LRRTM4: variants seen among roughly 807,000 people sequenced by gnomAD.
LRRTM4 encodes the protein leucine-rich repeat transmembrane neuronal protein 4.
A neutral mutation model predicts 47.6 loss-of-function variants in LRRTM4; 25 were observed. The observed-to-expected ratio is 0.53, with a 90% CI of 0.38 to 0.73. The LOEUF is 0.73. Among genes scored for constraint, LRRTM4 ranks in the 30% least tolerant of loss-of-function variants. LRRTM4 has a pLI of 0.00. For synonymous variants in LRRTM4, 311 were observed against 269.5 expected (o/e 1.15, Z -1.51); for missense variants, 638 against 713.4 (o/e 0.89, Z 1.20).
intron 3 of LRRTM4, among the ~76,000 whole-genome samples, chr2:76,846,172 A>T (rs1318632629): frequency 1.3e-5 from 2 of 152,014 alleles, no homozygotes; most frequent in Admixed American, 1.3e-4. Context: ...ATACCAAGGG[A>T]TGACTGTAAT....
intron 3 of LRRTM4, among the ~76,000 whole-genome samples, chr2:76,867,326 A>C (rs757123960): frequency 3.3e-5 from 5 of 152,204 alleles, no homozygotes; most frequent in Admixed American, 6.5e-5. Flanking sequence ...GCTTTACAAC[A>C]AACTCTGCTA....
intron 3 of LRRTM4, among the ~76,000 whole-genome samples, chr2:77,123,219 G>C (rs1358819995): frequency 6.6e-6 from 1 of 151,340 alleles, no homozygotes; most frequent in African/African-American, 2.4e-5. Flanking sequence ...CTCACAGAGA[G>C]AGAGAGAGAG....
rs528964259 is a variant in LRRTM4 at position 77,412,141 on chromosome 2, A to G, written c.1551+106177T>C. Among the ~76,000 whole-genome samples, 3 of 152,250 alleles carry G rather than the reference A, an allele frequency of 2.0e-5. No homozygotes were observed. The East Asian group carries it at 5.8e-4, about 29-fold the overall frequency. ...TGCATTATTCGTAAGGGCCTCCAAGACCCATCAACATGAATATCTCCTCAG... is the reference window on the plus strand; with the variant it reads ...TGCATTATTCGTAAGGGCCTCCAAGGCCCATCAACATGAATATCTCCTCAG... On this transcript the variant is annotated intron_variant, in intron 3 of 3. Coordinates refer to ENST00000409884, the MANE Select transcript of LRRTM4 (RefSeq NM_001134745.3).
At position 76,986,947 on chromosome 2, in the gene LRRTM4, C is replaced by A. The variant is rs1025899967; in HGVS notation, c.1552-238031G>T. On this transcript the variant is annotated intron_variant, in intron 3 of 3. Coordinates refer to ENST00000409884, the MANE Select transcript of LRRTM4 (RefSeq NM_001134745.3). ...GAAAACATTTCAAATAACTAGGTAG[C>A]ATAAACTATTCTGACACCATATTTA... 3.9e-5 allele frequency among the ~76,000 whole-genome samples: 6 copies of A among 151,982 alleles called. No individual in the cohort carries two copies. The South Asian group carries it at 1.0e-3, about 26-fold the overall frequency.
chr2:77,125,665 T>C (rs572943455), intron 3 of LRRTM4, among the ~76,000 whole-genome samples: 31 of 152,332 alleles, frequency 2.0e-4, no homozygotes, highest in African/African-American at 7.5e-4. Flanking sequence ...GCATGCATTC[T>C]CTTATGTCCT....
At chr2:77,036,163 G>A (rs1178726033) in intron 3 of LRRTM4, among the ~76,000 whole-genome samples, 1 of 151,726 alleles carries the variant, frequency 6.6e-6, no homozygotes, top group Non-Finnish European at 1.5e-5. Context: ...CCAGGGGAAA[G>A]CATTATGGTG....
At chr2:76,848,547 C>G (rs1671901130) in intron 3 of LRRTM4, among the ~76,000 whole-genome samples, 1 of 151,902 alleles carries the variant, frequency 6.6e-6, no homozygotes, top group South Asian at 2.1e-4. Context: ...TGAATCAGTT[C>G]AAAAATTAAT....
chr2:77,241,758 C>A (rs546595360), intron 3 of LRRTM4, among the ~76,000 whole-genome samples: 1 of 152,154 alleles, frequency 6.6e-6, no homozygotes, highest in South Asian at 2.1e-4. Flanking sequence ...TGTCATAAAT[C>A]TTTTCTCCTA....
At chr2:77,515,013 T>C (rs1386464249) in intron 3 of LRRTM4, among the ~76,000 whole-genome samples, 1 of 151,938 alleles carries the variant, frequency 6.6e-6, no homozygotes, top group African/African-American at 2.4e-5. Flanking sequence ...CTTACTGTTT[T>C]AGGAAAAGCT....
At chr2:77,045,440 T>A (rs899690056) in intron 3 of LRRTM4, among the ~76,000 whole-genome samples, 3 of 151,894 alleles carry the variant, frequency 2.0e-5, no homozygotes, top group African/African-American at 7.2e-5. Context: ...AAAACAAATA[T>A]GGAGATATTT....
At chr2:76,990,809 C>G (rs1375025684) in intron 3 of LRRTM4, among the ~76,000 whole-genome samples, 3 of 151,576 alleles carry the variant, frequency 2.0e-5, no homozygotes, top group African/African-American at 7.3e-5. Context: ...CTAATAGACA[C>G]CTACAGACTA....
chr2:77,245,517 C>CAAAAAAAAAAAAAA, intron 3 of LRRTM4, among the ~76,000 whole-genome samples: 1 of 86,454 alleles, frequency 1.2e-5, no homozygotes, highest in Non-Finnish European at 2.6e-5. Flanking sequence ...GACACTGCCT[C>CAAAAAAAAAAAAAA]AAAAAAAAAA....
intron 3 of LRRTM4, among the ~76,000 whole-genome samples, chr2:76,775,242 G>A (rs985067538): frequency 2.0e-5 from 3 of 152,290 alleles, no homozygotes; most frequent in African/African-American, 7.2e-5. Context: ...ATTTTCAATG[G>A]TGTAATCCTT....
chr2:76,786,348 T>TA (rs964797788), intron 3 of LRRTM4, among the ~76,000 whole-genome samples: 3 of 152,006 alleles, frequency 2.0e-5, no homozygotes, highest in Admixed American at 6.6e-5. Flanking sequence ...AAAATAAAAA[T>TA]AAAAAACCCA....
intron 3 of LRRTM4, among the ~76,000 whole-genome samples, chr2:77,399,584 G>A (rs1259566998): frequency 1.3e-5 from 2 of 151,800 alleles, no homozygotes; most frequent in Non-Finnish European, 2.9e-5. Context: ...TAACAACAAT[G>A]TGGATCTTTA....
intron 3 of LRRTM4, among the ~76,000 whole-genome samples, chr2:76,919,153 G>A (rs553452736): frequency 2.9e-4 from 44 of 152,266 alleles, no homozygotes; most frequent in African/African-American, 1.0e-3. Flanking sequence ...ATTCACCAGA[G>A]CCTTCATGTG....
chr2:77,212,071 C>G (rs1227967961), intron 3 of LRRTM4, among the ~76,000 whole-genome samples: 1 of 151,860 alleles, frequency 6.6e-6, no homozygotes, highest in Non-Finnish European at 1.5e-5. Context: ...TTTTCCTCAT[C>G]ACAATGTACG....
chr2:76,923,198 T>TAAAA (rs748734192), intron 3 of LRRTM4, among the ~76,000 whole-genome samples: 307 of 152,214 alleles, frequency 2.0e-3, no homozygotes, highest in Non-Finnish European at 3.6e-3. Context: ...TAACTATATT[T>TAAAA]CCATTTCTAA....
chr2:77,095,723 T>A (rs1330809733), intron 3 of LRRTM4, among the ~76,000 whole-genome samples: 1 of 152,096 alleles, frequency 6.6e-6, no homozygotes, highest in Non-Finnish European at 1.5e-5. Flanking sequence ...TTGGCCAGGC[T>A]GGTCTCCGAC....
Sources: allele counts gnomAD v4.1 joint callset (sites outside exome capture counted in the v4.1 genomes callset), GRCh38; gene constraint gnomAD v4.1.1; transcripts MANE v1.5; gene names NCBI Gene and HGNC (gene_info 2026-07-23, HGNC 2026-07-21).